DCUN1D4: variants seen among roughly 807,000 people sequenced by gnomAD.
The protein encoded by DCUN1D4 is defective in cullin neddylation 1 domain containing 4.
A neutral mutation model predicts 47.9 loss-of-function variants in DCUN1D4; 22 were observed. The ratio of observed to expected loss-of-function variants is 0.46; its 90% confidence interval spans 0.33 to 0.66. The LOEUF (loss-of-function observed/expected upper bound fraction) is 0.66. DCUN1D4 is among the 30% of genes least tolerant of loss of function. The pLI, the probability that DCUN1D4 is intolerant of heterozygous loss-of-function variation, is 0.02. For synonymous variants in DCUN1D4, 121 were observed against 112.2 expected (o/e 1.08, Z -0.50); for missense variants, 301 against 340.8 (o/e 0.88, Z 0.92).
upstream of DCUN1D4, chr4:51,842,967 G>A: frequency 2.0e-6 from 2 of 1,017,436 alleles, no homozygotes; most frequent in Non-Finnish European, 2.6e-6. Context: ...GGGGCGTTAC[G>A]GAGACAAGGC....
At chr4:51,864,891 T>C (rs1427269219) in intron 3 of DCUN1D4, among the ~76,000 whole-genome samples, 1 of 152,222 alleles carries the variant, frequency 6.6e-6, no homozygotes, top group African/African-American at 2.4e-5. Flanking sequence ...TAGACAACTA[T>C]TTAGACGTCT....
Position 51,874,322 on chromosome 4 carries a change from C to G in DCUN1D4, c.188C>G (p.Pro63Arg). ...GACTGCTTTAATAAAGTGATGCCAC[C>G]AAGGAAAAAGAGAAGACCTGCCTCT... is the stretch of plus-strand genomic sequence containing the variant. Reference protein sequence around the residue: ...SSDCFNKVMPPRKKRRPASGD... With the variant: ...SSDCFNKVMPRRKKRRPASGD... Residue 63 changes from proline to arginine, a missense_variant, in exon 4 of 11, where the codon CCA becomes CGA. By Grantham distance (103) the Pro-to-Arg change is moderately radical (BLOSUM62 -2). This residue lies in a region of DCUN1D4 where 131 missense variants were observed against 106.3 expected (regional missense o/e 1.23). Coordinates refer to ENST00000334635, the MANE Select transcript of DCUN1D4 (RefSeq NM_001040402.3). The G allele has an allele frequency of 6.2e-7, 1 of 1,613,376 alleles. No homozygotes were observed. Among genetic ancestry groups the G allele is most frequent in the Non-Finnish European group, 8.5e-7 (1 of 1,179,832 alleles).
intron 5 of DCUN1D4, among the ~76,000 whole-genome samples, chr4:51,883,044 A>G (rs1177540285): frequency 6.6e-6 from 1 of 152,246 alleles, no homozygotes; most frequent in Non-Finnish European, 1.5e-5. Context: ...AATGATGAAA[A>G]GAACTTTGAT....
intron 5 of DCUN1D4, among the ~76,000 whole-genome samples, chr4:51,881,361 A>C (rs958727147): frequency 3.3e-5 from 5 of 152,204 alleles, no homozygotes; most frequent in Admixed American, 1.3e-4. Flanking sequence ...ACCAAAAATA[A>C]AGTCAGTCAT....
chr4:51,886,492 C>A, intron 5 of DCUN1D4, 76 bp from the exon 6 acceptor site: 1 of 1,238,230 alleles, frequency 8.1e-7, no homozygotes, highest in Non-Finnish European at 1.1e-6. Context: ...TACTTGTTGA[C>A]AGTATAATAC....
At chr4:51,848,133 C>T (rs1722832426) in intron 1 of DCUN1D4, 1 of 1,159,204 alleles carries the variant, frequency 8.6e-7, no homozygotes, top group Non-Finnish European at 1.1e-6. Context: ...AAGCTTTCAC[C>T]TACTCATTCT....
the DCUN1D4 span, among the ~76,000 whole-genome samples, chr4:51,834,042 TTCTCTCTC>T: frequency 0.11 from 5,486 of 51,876 alleles, 452 homozygotes; most frequent in South Asian, 0.13. Flanking sequence ...TTAGGAGTCT[TTCTCTCTC>T]TCTCTCTCTC....
At chr4:51,908,253 G>GA (rs1733193468) in intron 8 of DCUN1D4, among the ~76,000 whole-genome samples, 1 of 152,110 alleles carries the variant, frequency 6.6e-6, no homozygotes. Context: ...ATTATTATTT[G>GA]AAAAATGACA....
At chr4:51,867,613 C>T (rs962788425) in intron 3 of DCUN1D4, among the ~76,000 whole-genome samples, 27 of 152,164 alleles carry the variant, frequency 1.8e-4, no homozygotes, top group African/African-American at 6.5e-4. Context: ...TAGCTCCTAT[C>T]TGCAGGCAGG....
chr4:51,834,042 TTCTCTCTCTCTC>T, the DCUN1D4 span, among the ~76,000 whole-genome samples: 557 of 51,894 alleles, frequency 0.011, 14 homozygotes, highest in African/African-American at 0.019. Context: ...TTAGGAGTCT[TTCTCTCTCTCTC>T]TCTCTCTCTC....
intron 3 of DCUN1D4, among the ~76,000 whole-genome samples, chr4:51,867,180 C>T (rs1577906883): frequency 6.6e-6 from 1 of 152,216 alleles, no homozygotes; most frequent in Non-Finnish European, 1.5e-5. Context: ...GTGGCTTCCA[C>T]TGTGGGCACC....
At chr4:51,905,434 C>A (rs1732738422) in intron 8 of DCUN1D4, 1 of 170,888 alleles carries the variant, frequency 5.9e-6, no homozygotes, top group Non-Finnish European at 1.3e-5. Context: ...ATGATCAGTT[C>A]TCTTCTACAG....
the DCUN1D4 span, among the ~76,000 whole-genome samples, chr4:51,836,833 C>T: frequency 2.0e-5 from 3 of 152,294 alleles, no homozygotes; most frequent in African/African-American, 7.2e-5. Flanking sequence ...TAATGAGATG[C>T]TCAGCTGCCA....
In DCUN1D4 at chr4:51,913,793, A is replaced by G; in HGVS notation, c.*209A>G. The stretch of plus-strand genomic sequence containing the variant: ...AGGCTGCTTTGCAGTTTGTATTTAC[A>G]CTACAGATTGGTGAATTTGCCAACG... On this transcript the variant is annotated 3_prime_UTR_variant, in exon 11 of 11. Transcript: ENST00000334635. The G allele has an allele frequency of 4.1e-6, 2 of 490,288 alleles. No individual in the cohort carries two copies. Among genetic ancestry groups the G allele is most frequent in the Non-Finnish European group, 7.2e-6 (2 of 278,032 alleles). 30.4% of individuals were successfully genotyped at this position (490,288 alleles called of 1,614,324 possible).
intron 4 of DCUN1D4, chr4:51,875,432 T>C (rs1414249484): frequency 1.3e-5 from 2 of 152,234 alleles, no homozygotes; most frequent in Non-Finnish European, 2.9e-5. Flanking sequence ...AAATATAGTA[T>C]GATAAAGCCA....
At chr4:51,837,192 A>T in the DCUN1D4 span, among the ~76,000 whole-genome samples, 1 of 152,216 alleles carries the variant, frequency 6.6e-6, no homozygotes, top group South Asian at 2.1e-4. Flanking sequence ...AGAGAAGAAC[A>T]TGTGGTAATG....
intron 5 of DCUN1D4, among the ~76,000 whole-genome samples, chr4:51,881,843 G>T (rs1254324184): frequency 6.6e-6 from 1 of 152,036 alleles, no homozygotes; most frequent in African/African-American, 2.4e-5. Flanking sequence ...ATTACAACTA[G>T]ATTTAAATGT....
intron 1 of DCUN1D4, among the ~76,000 whole-genome samples, chr4:51,847,010 G>C (rs576411215): frequency 8.5e-5 from 13 of 152,266 alleles, no homozygotes; most frequent in Admixed American, 7.8e-4. Context: ...TTCCATTTCA[G>C]TGTCATTGGA....
chr4:51,844,690 G>T (rs1722228330), intron 1 of DCUN1D4, among the ~76,000 whole-genome samples: 1 of 151,830 alleles, frequency 6.6e-6, no homozygotes, highest in South Asian at 2.1e-4. Context: ...CTTCTCCCAG[G>T]CGTGCTGGGA....
Sources: allele counts gnomAD v4.1 joint callset (sites outside exome capture counted in the v4.1 genomes callset), GRCh38; gene constraint gnomAD v4.1.1; regional missense constraint gnomAD v4.1.1; transcripts MANE v1.5; gene names NCBI Gene and HGNC (gene_info 2026-07-23, HGNC 2026-07-21).